SHANK2: variants seen among roughly 807,000 people sequenced by gnomAD.
The protein encoded by SHANK2 is SH3 and multiple ankyrin repeat domains 2.
A neutral mutation model predicts 133.7 loss-of-function variants in SHANK2; 43 were observed. The ratio of observed to expected loss-of-function variants is 0.32; its 90% confidence interval spans 0.25 to 0.41. The LOEUF is 0.41. Among genes scored for constraint, SHANK2 ranks in the 10% least tolerant of loss-of-function variants. The pLI is 1.00. For missense variants in SHANK2, 1,994 were observed against 2,235.8 expected, an observed-to-expected ratio of 0.89 and a Z score of 2.18; for synonymous variants, 1,017 against 952.8, an observed-to-expected ratio of 1.07 and a Z score of -1.24.
chr11:70,638,415 G>A (rs1315504616), intron 17 of SHANK2, among the ~76,000 whole-genome samples: 2 of 152,208 alleles, frequency 1.3e-5, no homozygotes, highest in Admixed American at 1.3e-4. Flanking sequence ...AAAGCTGAGG[G>A]TCTGGGGCTG....
At chr11:70,609,508 C>T (rs1430785297) in intron 17 of SHANK2, among the ~76,000 whole-genome samples, 3 of 152,130 alleles carry the variant, frequency 2.0e-5, no homozygotes, top group Non-Finnish European at 2.9e-5. Context: ...CAGCCATGCT[C>T]GGAGCAGCCC....
chr11:70,924,256 C>G (rs1320078828), intron 10 of SHANK2, among the ~76,000 whole-genome samples: 1 of 152,022 alleles, frequency 6.6e-6, no homozygotes, highest in Non-Finnish European at 1.5e-5. Flanking sequence ...TGAGGACATG[C>G]CCCAGAGCAG....
At chr11:70,688,259 A>C (rs1443072749) in intron 15 of SHANK2, among the ~76,000 whole-genome samples, 1 of 151,996 alleles carries the variant, frequency 6.6e-6, no homozygotes, top group East Asian at 1.9e-4. Context: ...AACCCATCCA[A>C]CTGCTTTCAG....
intron 17 of SHANK2, among the ~76,000 whole-genome samples, chr11:70,621,138 A>ACTCTC (rs1490456769): frequency 1.3e-5 from 2 of 151,996 alleles, no homozygotes; most frequent in African/African-American, 4.8e-5. Flanking sequence ...TCCCGACTTC[A>ACTCTC]CCTCTACAGG....
intron 8 of SHANK2, among the ~76,000 whole-genome samples, chr11:71,088,475 C>A (rs945049590): frequency 1.3e-5 from 2 of 152,136 alleles, no homozygotes; most frequent in Non-Finnish European, 2.9e-5. Context: ...TGACTGAGAA[C>A]AAGACTCATT....
At chr11:70,865,528 T>A (rs532455443) in intron 11 of SHANK2, among the ~76,000 whole-genome samples, 94 of 152,230 alleles carry the variant, frequency 6.2e-4, no homozygotes, top group African/African-American at 2.1e-3. Context: ...CAGGCTGAGA[T>A]GCAGCTGCGC....
intron 17 of SHANK2, among the ~76,000 whole-genome samples, chr11:70,555,531 A>C (rs1416248259): frequency 6.6e-6 from 1 of 152,200 alleles, no homozygotes; most frequent in African/African-American, 2.4e-5. Context: ...GGATCACTTG[A>C]GCCCTCGAGT....
At chr11:70,737,856 C>G (rs909764433) in intron 14 of SHANK2, among the ~76,000 whole-genome samples, 1 of 152,356 alleles carries the variant, frequency 6.6e-6, no homozygotes, top group East Asian at 1.9e-4. Context: ...CAAGAGCTGG[C>G]ACTTAAATGA....
rs61143133 is a variant in SHANK2 at position 70,560,483 on chromosome 11, G to GT, written c.2062-57553dup. On this transcript the variant is annotated intron_variant, in intron 17 of 25. Coordinates refer to ENST00000601538, the MANE Select transcript of SHANK2 (RefSeq NM_012309.5). ...TAATTCCTGTCACATCCCCAGTAGG[G>GT]TTTTTTTTTTTTTTTTTTTTTTTTT... is the stretch of plus-strand genomic sequence containing the variant. 3.6e-3 allele frequency among the ~76,000 whole-genome samples: 346 copies of GT among 95,994 alleles called. 11 individuals are homozygous for GT. Among genetic ancestry groups the GT allele is most frequent in the African/African-American group, 0.013 (322 of 24,848 alleles). The allele number at this position is 95,994 out of a possible 152,430, so 63.0% of individuals were successfully genotyped here.
chr11:70,742,302 G>A (rs1252923582), intron 14 of SHANK2, among the ~76,000 whole-genome samples: 1 of 152,146 alleles, frequency 6.6e-6, no homozygotes, highest in East Asian at 1.9e-4. Flanking sequence ...ACTCTGGGAA[G>A]TCACAGCTCT....
intron 2 of SHANK2, among the ~76,000 whole-genome samples, chr11:71,202,782 C>T (rs1343667699): frequency 1.3e-5 from 2 of 152,178 alleles, no homozygotes; most frequent in Non-Finnish European, 2.9e-5. Context: ...TCCACCTGGC[C>T]GGCTCCACTG....
chr11:70,676,442 G>C (rs782422677), intron 15 of SHANK2, among the ~76,000 whole-genome samples: 13 of 152,200 alleles, frequency 8.5e-5, no homozygotes, highest in Non-Finnish European at 1.8e-4. Flanking sequence ...TCCTGAGTAG[G>C]ACGTGCTATG....
intron 17 of SHANK2, among the ~76,000 whole-genome samples, chr11:70,541,943 C>T (rs561079324): frequency 3.9e-5 from 6 of 152,230 alleles, no homozygotes; most frequent in African/African-American, 1.4e-4. Flanking sequence ...AACCAGAGAG[C>T]TCCTCACTCA....
rs1050830157 is a variant in SHANK2, at chr11:70,807,894, T to A, written c.1494-723A>T. Among the ~76,000 whole-genome samples the A allele has an allele frequency of 1.3e-5, 2 of 150,902 alleles. No homozygotes were observed. Among genetic ancestry groups the A allele is most frequent in the Admixed American group, 6.6e-5 (1 of 15,188 alleles). ...GGTGAACCTTGGGGACACTGCTCAG[T>A]GAGATACACCAGACACAAAAGAACA... On this transcript the variant is annotated intron_variant, in intron 12 of 25. Coordinates refer to ENST00000601538, the MANE Select transcript of SHANK2 (RefSeq NM_012309.5). This position sits in a 1 kb window ranked among gnomAD's most constrained non-coding sequence, Gnocchi z 4.8.
At chr11:70,629,002 C>G (rs1270644791) in intron 17 of SHANK2, among the ~76,000 whole-genome samples, 3 of 152,176 alleles carry the variant, frequency 2.0e-5, no homozygotes, top group Non-Finnish European at 2.9e-5. Context: ...AATTTTAAGC[C>G]TGGAGTTGAT....
chr11:70,862,530 A>G (rs1555068006), intron 11 of SHANK2, among the ~76,000 whole-genome samples: 3 of 151,980 alleles, frequency 2.0e-5, no homozygotes. Flanking sequence ...GGACTGGCTG[A>G]TAGACTGGAC....
At chr11:70,579,358 C>T (rs1284163898) in intron 17 of SHANK2, among the ~76,000 whole-genome samples, 2 of 152,236 alleles carry the variant, frequency 1.3e-5, no homozygotes, top group Non-Finnish European at 2.9e-5. Flanking sequence ...TGGGACAGGA[C>T]AATGGTGGCT....
intron 2 of SHANK2, among the ~76,000 whole-genome samples, chr11:71,187,819 C>T (rs782310861): frequency 6.6e-6 from 1 of 152,184 alleles, no homozygotes; most frequent in African/African-American, 2.4e-5. Flanking sequence ...TCCTCTGGAG[C>T]AAAGGGCAAG....
intron 2 of SHANK2, among the ~76,000 whole-genome samples, chr11:71,187,330 G>A (rs1038098016): frequency 2.0e-5 from 3 of 152,016 alleles, no homozygotes; most frequent in East Asian, 1.9e-4. Context: ...AGTTCTTCAC[G>A]GGTTTCTCAT....
Sources: allele counts gnomAD v4.1 joint callset (sites outside exome capture counted in the v4.1 genomes callset), GRCh38; gene constraint gnomAD v4.1.1; non-coding constraint Gnocchi (gnomAD v3.1); transcripts MANE v1.5; gene names NCBI Gene and HGNC (gene_info 2026-07-23, HGNC 2026-07-21).